SHISAL2B: variants seen among roughly 807,000 people sequenced by gnomAD.
SHISAL2B encodes shisa like 2B, also known as protein shisa-like-2B.
Under a neutral mutation model 16.5 loss-of-function variants are expected in SHISAL2B, and 12 were observed. That is an observed-to-expected ratio of 0.73 (90% CI 0.47 to 1.18). The LOEUF is 1.18. Among genes scored for constraint, SHISAL2B ranks in the 50% most tolerant of loss-of-function variants. The pLI is 0.00. For missense variants in SHISAL2B, 183 were observed against 193.6 expected (o/e 0.95, Z 0.33); for synonymous variants, 72 against 75.0 (o/e 0.96, Z 0.21).
At chr5:64,707,209 G>C (rs1161962734) in intron 2 of SHISAL2B, among the ~76,000 whole-genome samples, 1 of 151,990 alleles carries the variant, frequency 6.6e-6, no homozygotes, top group Non-Finnish European at 1.5e-5. Context: ...TTTAAAATTG[G>C]CTTTGATGAA....
At chr5:64,698,082 G>A (rs1456863017) in intron 2 of SHISAL2B, among the ~76,000 whole-genome samples, 1 of 152,204 alleles carries the variant, frequency 6.6e-6, no homozygotes, top group African/African-American at 2.4e-5. Flanking sequence ...AAGTTGATTA[G>A]TGATTATCAA....
intron 1 of SHISAL2B, among the ~76,000 whole-genome samples, chr5:64,694,454 C>G (rs2112055660): frequency 6.6e-6 from 1 of 152,258 alleles, no homozygotes; most frequent in South Asian, 2.1e-4. Context: ...TTTTCCCAAG[C>G]TCTTTTCCCA....
At chr5:64,717,110 G>C (rs1320896026) in intron 2 of SHISAL2B, among the ~76,000 whole-genome samples, 1 of 152,118 alleles carries the variant, frequency 6.6e-6, no homozygotes, top group East Asian at 1.9e-4. Flanking sequence ...AAGTAGCAGG[G>C]AGTAAAAAAG....
At chr5:64,706,483 T>C (rs1287167418) in intron 2 of SHISAL2B, among the ~76,000 whole-genome samples, 1 of 152,256 alleles carries the variant, frequency 6.6e-6, no homozygotes, top group Non-Finnish European at 1.5e-5. Flanking sequence ...CCAAGATTTA[T>C]TTATTTTCCT....
chr5:64,716,231 T>C (rs1742048808), intron 2 of SHISAL2B, among the ~76,000 whole-genome samples: 1 of 152,250 alleles, frequency 6.6e-6, no homozygotes, highest in African/African-American at 2.4e-5. Context: ...ATATGTAAGA[T>C]CTTTACATAT....
At chr5:64,713,246 A>G (rs952845078) in intron 2 of SHISAL2B, among the ~76,000 whole-genome samples, 2 of 146,598 alleles carry the variant, frequency 1.4e-5, no homozygotes, top group South Asian at 2.2e-4. Context: ...TGGTGAAAAA[A>G]TCTCTCAGCA....
intron 2 of SHISAL2B, among the ~76,000 whole-genome samples, chr5:64,717,560 ATAG>A (rs1362328308): frequency 6.6e-6 from 1 of 152,206 alleles, no homozygotes; most frequent in Non-Finnish European, 1.5e-5. Flanking sequence ...TAGTTTATGC[ATAG>A]GAGAGGGACA....
chr5:64,695,157 C>T (rs1014350366), intron 1 of SHISAL2B, among the ~76,000 whole-genome samples: 5 of 151,256 alleles, frequency 3.3e-5, no homozygotes, highest in East Asian at 3.9e-4. Flanking sequence ...CCCAGCTACT[C>T]GGGAGGCTGA....
At chr5:64,714,314 G>C (rs1168567294) in intron 2 of SHISAL2B, among the ~76,000 whole-genome samples, 3 of 142,726 alleles carry the variant, frequency 2.1e-5, no homozygotes, top group South Asian at 2.3e-4. Flanking sequence ...AGGTGTCAGT[G>C]TGCCCCTGCT....
At chr5:64,696,742 T>C (rs1438832818) in intron 2 of SHISAL2B, among the ~76,000 whole-genome samples, 1 of 152,194 alleles carries the variant, frequency 6.6e-6, no homozygotes, top group African/African-American at 2.4e-5. Flanking sequence ...TTCTCTGCTC[T>C]CGAACCCTGT....
At chr5:64,716,769 T>C (rs1267055595) in intron 2 of SHISAL2B, among the ~76,000 whole-genome samples, 1 of 152,042 alleles carries the variant, frequency 6.6e-6, no homozygotes, top group African/African-American at 2.4e-5. Context: ...AAGAATGAAG[T>C]AGAAAAAAAT....
chr5:64,702,686 G>A (rs1028235809), intron 2 of SHISAL2B, among the ~76,000 whole-genome samples: 5 of 151,786 alleles, frequency 3.3e-5, no homozygotes, highest in Admixed American at 6.6e-5. Flanking sequence ...TGTAGTTGTC[G>A]ATATTTTCTT....
At chr5:64,692,414 C>G (rs1695873762) in intron 1 of SHISAL2B, among the ~76,000 whole-genome samples, 1 of 152,212 alleles carries the variant, frequency 6.6e-6, no homozygotes, top group Non-Finnish European at 1.5e-5. Flanking sequence ...CAGTGCAGCT[C>G]CATTCCCAGG....
chr5:64,696,857 C>T (rs914319003), intron 2 of SHISAL2B, among the ~76,000 whole-genome samples: 3 of 152,216 alleles, frequency 2.0e-5, no homozygotes, highest in African/African-American at 7.2e-5. Flanking sequence ...CTTTGCTTTG[C>T]TCTTTGCCTT....
At chr5:64,716,799 G>C (rs1214994951) in intron 2 of SHISAL2B, among the ~76,000 whole-genome samples, 1 of 152,192 alleles carries the variant, frequency 6.6e-6, no homozygotes, top group African/African-American at 2.4e-5. Flanking sequence ...GGTTAATGGT[G>C]TGTGTATGAA....
At chr5:64,694,921 A>C (rs1386019924) in intron 1 of SHISAL2B, among the ~76,000 whole-genome samples, 1 of 152,210 alleles carries the variant, frequency 6.6e-6, no homozygotes, top group African/African-American at 2.4e-5. Context: ...CTAGAGAATC[A>C]TGTGACCTTT....
At chr5:64,714,694 T>C (rs4526063) in intron 2 of SHISAL2B, among the ~76,000 whole-genome samples, 49,128 of 152,002 alleles carry the variant, frequency 0.32, 8,284 homozygotes, top group East Asian at 0.51. Flanking sequence ...TCAGCGAGAT[T>C]CCGTGGGCGT....
intron 2 of SHISAL2B, among the ~76,000 whole-genome samples, chr5:64,709,614 G>C (rs375286154): frequency 0.039 from 5,769 of 148,592 alleles, 333 homozygotes; most frequent in African/African-American, 0.13. Flanking sequence ...AATCGCCACA[G>C]TGACTTCCAC....
chr5:64,716,720 A>G (rs981139506), intron 2 of SHISAL2B, among the ~76,000 whole-genome samples: 2 of 152,210 alleles, frequency 1.3e-5, no homozygotes, highest in African/African-American at 2.4e-5. Context: ...GGGCTGGAAC[A>G]TGCCTGAAAT....
Sources: allele counts gnomAD v4.1 joint callset (sites outside exome capture counted in the v4.1 genomes callset), GRCh38; gene constraint gnomAD v4.1.1; transcripts MANE v1.5; gene names NCBI Gene and HGNC (gene_info 2026-07-23, HGNC 2026-07-21).